The following CCBE1 variants were observed in gnomAD, a reference collection of about 807,000 sequenced individuals.
CCBE1 encodes collagen and calcium binding EGF domains 1, also known as collagen and calcium-binding EGF domain-containing protein 1.
Under a neutral mutation model 50.0 loss-of-function variants are expected in CCBE1, and 37 were observed. That is an observed-to-expected ratio of 0.74 (90% CI 0.57 to 0.97). The LOEUF (loss-of-function observed/expected upper bound fraction) is 0.97. Ranked by LOEUF, CCBE1 falls within the 50% of genes least tolerant of loss-of-function variation. The pLI is 0.00. For synonymous variants in CCBE1, 234 were observed against 203.7 expected, an observed-to-expected ratio of 1.15 and a Z score of -1.27; for missense variants, 538 against 523.8, an observed-to-expected ratio of 1.03 and a Z score of -0.26.
chr18:59,464,226 A>C (rs1475777829), intron 5 of CCBE1, among the ~76,000 whole-genome samples: 6 of 152,208 alleles, frequency 3.9e-5, no homozygotes, highest in Non-Finnish European at 8.8e-5. Flanking sequence ...CCTGAGGTCA[A>C]GGAGTTTGAG....
intron 2 of CCBE1, among the ~76,000 whole-genome samples, chr18:59,542,247 G>A (rs1280621159): frequency 1.1e-5 from 1 of 94,444 alleles, no homozygotes; most frequent in East Asian, 2.4e-4. Flanking sequence ...CTGCCTGGGT[G>A]CCCTATTGCT....
chr18:59,578,392 T>C (rs2053031948), intron 2 of CCBE1, among the ~76,000 whole-genome samples: 1 of 152,204 alleles, frequency 6.6e-6, no homozygotes, highest in South Asian at 2.1e-4. Context: ...AGTGTGGCAA[T>C]TCCTCAAGGA....
chr18:59,508,640 A>G (rs1242400915), intron 2 of CCBE1, among the ~76,000 whole-genome samples: 3 of 151,468 alleles, frequency 2.0e-5, no homozygotes, highest in Admixed American at 2.0e-4. Context: ...ACTACCCCAT[A>G]ATGTTCTTGT....
At chr18:59,457,969 C>T (rs12458873) in intron 5 of CCBE1, among the ~76,000 whole-genome samples, 133,686 of 152,264 alleles carry the variant, frequency 0.88, 59,000 homozygotes, top group Middle Eastern at 0.94. Context: ...TGGTGGGCTC[C>T]TGCATGAAAA....
chr18:59,487,512 T>C (rs1245508018), intron 2 of CCBE1, among the ~76,000 whole-genome samples: 4 of 152,174 alleles, frequency 2.6e-5, no homozygotes, highest in Non-Finnish European at 5.9e-5. Flanking sequence ...CATCTGAGCA[T>C]GCTTGGTTCC....
intron 2 of CCBE1, among the ~76,000 whole-genome samples, chr18:59,650,049 C>T (rs1459108780): frequency 1.3e-5 from 2 of 152,086 alleles, no homozygotes; most frequent in African/African-American, 4.8e-5. Context: ...CTGGGAGCCA[C>T]CCTCCAAAGT....
chr18:59,583,711 A>AG lies in CCBE1; in HGVS notation c.213-103474_213-103473insC, dbSNP rs879663228. On this transcript the variant is annotated intron_variant, in intron 2 of 10. Transcript: ENST00000439986. ...CGCGCGCGCGCGCGCGTGTGTGTGT[A>AG]TGTCTGCGACTACTGAGTTGAAGAA... 3.7e-3 allele frequency among the ~76,000 whole-genome samples: 533 copies of AG among 145,590 alleles called. 8 individuals carry two copies. The East Asian group carries it at 0.048, about 13-fold the overall frequency.
At chr18:59,619,435 C>G (rs879850328) in intron 2 of CCBE1, among the ~76,000 whole-genome samples, 27 of 152,234 alleles carry the variant, frequency 1.8e-4, no homozygotes, top group Admixed American at 1.8e-3. Flanking sequence ...TGTCCTGCCT[C>G]AGCCTCCCCA....
At chr18:59,646,906 C>G (rs1293825875) in intron 2 of CCBE1, among the ~76,000 whole-genome samples, 1 of 152,154 alleles carries the variant, frequency 6.6e-6, no homozygotes, top group Non-Finnish European at 1.5e-5. Flanking sequence ...TCCCAGAAAG[C>G]CGTTTTAGTC....
At chr18:59,574,704 G>A (rs2052966586) in intron 2 of CCBE1, among the ~76,000 whole-genome samples, 1 of 152,202 alleles carries the variant, frequency 6.6e-6, no homozygotes, top group African/African-American at 2.4e-5. Context: ...CTGGCAAGGT[G>A]TTTAGCTTTG....
Position 59,448,094 on chromosome 18 carries a change from G to T in CCBE1, c.664C>A (p.Leu222Ile), listed in dbSNP as rs770685560. Residue 222 changes from leucine to isoleucine, a missense_variant, in exon 7 of 11, where the codon CTC (leucine) becomes ATC (isoleucine). Coordinates refer to ENST00000439986, the MANE Select transcript of CCBE1 (RefSeq NM_133459.4). ...VLQLKQKIAL[L>I]PNNAADLGKY... ...CCCAGGTCAGCTGCATTGTTGGGGA[G>T]CAGAGCAATCTGCAAGGAGAAGAGG... The T allele has an allele frequency of 2.5e-6, 4 of 1,614,098 alleles. No individual in the cohort carries two copies. The highest frequency in any genetic ancestry group is 3.4e-6 in the Non-Finnish European group (4 of 1,180,026).
At chr18:59,675,261 A>G (rs2054484961) in intron 2 of CCBE1, among the ~76,000 whole-genome samples, 1 of 152,210 alleles carries the variant, frequency 6.6e-6, no homozygotes, top group Admixed American at 6.5e-5. Context: ...CCCAGTTTGT[A>G]GCACAAAAAC....
At chr18:59,611,743 C>G (rs2144584098) in intron 2 of CCBE1, among the ~76,000 whole-genome samples, 1 of 151,290 alleles carries the variant, frequency 6.6e-6, no homozygotes, top group South Asian at 2.1e-4. Flanking sequence ...GCAACTCTGT[C>G]TTAAAAAAAA....
chr18:59,541,258 C>G (rs1306669308), intron 2 of CCBE1, among the ~76,000 whole-genome samples: 1 of 152,130 alleles, frequency 6.6e-6, no homozygotes, highest in East Asian at 1.9e-4. Context: ...ATTCAGTACT[C>G]TAAGTCAGAG....
At chr18:59,652,906 G>A (rs941189739) in intron 2 of CCBE1, among the ~76,000 whole-genome samples, 2 of 151,952 alleles carry the variant, frequency 1.3e-5, no homozygotes, top group Non-Finnish European at 2.9e-5. Flanking sequence ...GGAGCTTGCA[G>A]TGAACCGAGA....
intron 2 of CCBE1, among the ~76,000 whole-genome samples, chr18:59,574,281 C>T (rs1323307986): frequency 6.6e-6 from 1 of 152,122 alleles, no homozygotes. Flanking sequence ...CGGTTAGTTG[C>T]CCAAAAAGTG....
intron 2 of CCBE1, among the ~76,000 whole-genome samples, chr18:59,604,070 C>A (rs978754374): frequency 6.6e-6 from 1 of 152,194 alleles, no homozygotes; most frequent in Non-Finnish European, 1.5e-5. Flanking sequence ...CTCTCTGGTA[C>A]TTTATCTCCT....
intron 2 of CCBE1, among the ~76,000 whole-genome samples, chr18:59,540,838 T>C (rs1915438935): frequency 6.6e-6 from 1 of 152,204 alleles, no homozygotes; most frequent in Non-Finnish European, 1.5e-5. Flanking sequence ...TAATGTCTTG[T>C]CTTTACAGAA....
At chr18:59,692,044 A>G (rs984303960) in intron 2 of CCBE1, among the ~76,000 whole-genome samples, 2 of 152,180 alleles carry the variant, frequency 1.3e-5, no homozygotes, top group African/African-American at 2.4e-5. Flanking sequence ...TAATTTCCCC[A>G]GGGCACTAGG....
Sources: gnomAD v4.1 joint callset for allele counts (sites outside exome capture counted in the v4.1 genomes callset) on GRCh38, gnomAD v4.1.1 for gene constraint, MANE v1.5 for transcripts, NCBI Gene and HGNC (gene_info 2026-07-23, HGNC 2026-07-21) for gene names.